OSBPL9: variants seen among roughly 807,000 people sequenced by gnomAD.
OSBPL9 encodes oxysterol-binding protein-related protein 9.
A neutral mutation model predicts 106.6 loss-of-function variants in OSBPL9; 40 were observed. That is an observed-to-expected ratio of 0.38 (90% confidence interval 0.29 to 0.49). The LOEUF (loss-of-function observed/expected upper bound fraction) is 0.49, where lower values mean the gene tolerates loss of function less well. OSBPL9 is among the 20% of genes least tolerant of loss of function. OSBPL9 has a pLI of 0.97. For missense variants in OSBPL9, 609 were observed against 887.2 expected, an observed-to-expected ratio of 0.69 and a Z score of 3.98; for synonymous variants, 269 against 295.4, an observed-to-expected ratio of 0.91 and a Z score of 0.92.
At chr1:51,678,865 T>C (rs747425183) in intron 3 of OSBPL9, among the ~76,000 whole-genome samples, 36 of 152,292 alleles carry the variant, frequency 2.4e-4, no homozygotes, top group Non-Finnish European at 4.9e-4. Context: ...TAAACCATGG[T>C]TGCAGGCTTA....
At chr1:51,553,676 T>TA in the OSBPL9 span, among the ~76,000 whole-genome samples, 2 of 151,582 alleles carry the variant, frequency 1.3e-5, no homozygotes, top group Non-Finnish European at 1.5e-5. Context: ...ATCCCATCTC[T>TA]AAAAAAAAAT....
intron 1 of OSBPL9, among the ~76,000 whole-genome samples, chr1:51,641,750 T>G (rs997315979): frequency 6.6e-6 from 1 of 152,192 alleles, no homozygotes; most frequent in Non-Finnish European, 1.5e-5. Flanking sequence ...CAGTTGGAGG[T>G]TAGGATCTGT....
intron 1 of OSBPL9, among the ~76,000 whole-genome samples, chr1:51,643,962 C>T (rs866736934): frequency 2.6e-5 from 4 of 151,334 alleles, no homozygotes; most frequent in African/African-American, 9.7e-5. Context: ...TGCCTGTAGT[C>T]CCAGCTACTC....
the OSBPL9 span, among the ~76,000 whole-genome samples, chr1:51,571,351 T>C: frequency 6.6e-6 from 1 of 152,166 alleles, no homozygotes; most frequent in Non-Finnish European, 1.5e-5. Flanking sequence ...TGACATTATG[T>C]TAGGAGTTGT....
chr1:51,666,529 A>G (rs1016148147), intron 2 of OSBPL9, among the ~76,000 whole-genome samples: 1 of 152,238 alleles, frequency 6.6e-6, no homozygotes, highest in Non-Finnish European at 1.5e-5. Context: ...ATTAAACTGA[A>G]CAGTACAAAT....
rs113771870 is a variant in OSBPL9, at chr1:51,788,695, A to G, written c.*906A>G. On this transcript the variant is annotated 3_prime_UTR_variant, in exon 24 of 24. Coordinates refer to ENST00000428468, the MANE Select transcript of OSBPL9 (RefSeq NM_024586.6). ...GGGCTGCCTACCAACATTTTATCCA[A>G]AAATGTTTTATTGCCTTAGAGGGTT... Among the ~76,000 whole-genome samples, 4 of 152,162 alleles carry G rather than the reference A, an allele frequency of 2.6e-5. No homozygotes were observed. Among genetic ancestry groups the G allele is most frequent in the Non-Finnish European group, 5.9e-5 (4 of 68,028 alleles).
chr1:51,559,303 C>T, the OSBPL9 span, among the ~76,000 whole-genome samples: 2 of 149,206 alleles, frequency 1.3e-5, no homozygotes, highest in South Asian at 2.2e-4. Context: ...GTGGGGGTTG[C>T]GGGGGATGGT....
chr1:51,699,798 T>C (rs1431683520), intron 3 of OSBPL9, among the ~76,000 whole-genome samples: 1 of 152,188 alleles, frequency 6.6e-6, no homozygotes, highest in East Asian at 1.9e-4. Context: ...AAGAAACATA[T>C]GAATGTTATG....
chr1:51,603,025 G>A (rs4477330), intron 2 of OSBPL9, among the ~76,000 whole-genome samples: 36,694 of 151,872 alleles, frequency 0.24, 6,162 homozygotes, highest in African/African-American at 0.47. Flanking sequence ...GCATGATGGC[G>A]TGCACCTGTA....
chr1:51,697,091 T>A (rs961893599), intron 3 of OSBPL9, among the ~76,000 whole-genome samples: 8 of 151,674 alleles, frequency 5.3e-5, no homozygotes, highest in Non-Finnish European at 1.2e-4. Flanking sequence ...GCTGAGGAAT[T>A]TGAGGTTGTA....
At chr1:51,731,701 C>G (rs527302354) in intron 4 of OSBPL9, among the ~76,000 whole-genome samples, 8 of 150,798 alleles carry the variant, frequency 5.3e-5, no homozygotes, top group Non-Finnish European at 8.8e-5. Flanking sequence ...CGCATAAACC[C>G]TGGAGGGGGA....
intron 1 of OSBPL9, among the ~76,000 whole-genome samples, chr1:51,595,410 C>A (rs555194993): frequency 1.3e-5 from 2 of 152,232 alleles, no homozygotes; most frequent in East Asian, 3.9e-4. Flanking sequence ...TCCACTGGGC[C>A]TATGAAGAAA....
chr1:51,519,626 C>T, the OSBPL9 span, among the ~76,000 whole-genome samples: 8 of 152,172 alleles, frequency 5.3e-5, no homozygotes, highest in Admixed American at 4.6e-4. Context: ...GAAATTGTAA[C>T]TAGAGGCCCA....
At chr1:51,580,862 A>AT (rs1174421205) in intron 1 of OSBPL9, among the ~76,000 whole-genome samples, 1 of 125,564 alleles carries the variant, frequency 8.0e-6, no homozygotes, top group Non-Finnish European at 1.7e-5. Context: ...CATTGTTAAC[A>AT]TTTTGATATA....
At chr1:51,669,862 G>A (rs1347856699) in intron 3 of OSBPL9, 1 of 475,520 alleles carries the variant, frequency 2.1e-6, no homozygotes, top group South Asian at 1.5e-5. Flanking sequence ...TCTGCATGAA[G>A]AGTCTAAAGA....
intron 3 of OSBPL9, among the ~76,000 whole-genome samples, chr1:51,688,077 A>G (rs1654207115): frequency 6.6e-6 from 1 of 152,116 alleles, no homozygotes; most frequent in Non-Finnish European, 1.5e-5. Context: ...ACGCTTGACC[A>G]TGTTCTCTCT....
At chr1:51,581,217 C>T (rs1331137338) in intron 1 of OSBPL9, among the ~76,000 whole-genome samples, 3 of 151,618 alleles carry the variant, frequency 2.0e-5, no homozygotes, top group South Asian at 4.2e-4. Flanking sequence ...AGCCACTGCT[C>T]CTGGCCAGAA....
intron 9 of OSBPL9, among the ~76,000 whole-genome samples, chr1:51,757,983 G>A (rs928615833): frequency 3.9e-5 from 6 of 152,132 alleles, no homozygotes; most frequent in African/African-American, 1.4e-4. Context: ...TTAGGGCTGA[G>A]TAGTATTATT....
chr1:51,528,334 A>G, the OSBPL9 span, among the ~76,000 whole-genome samples: 7 of 152,218 alleles, frequency 4.6e-5, no homozygotes, highest in Non-Finnish European at 1.0e-4. Flanking sequence ...GCAAGATACA[A>G]CATTAATATA....
Sources: allele counts gnomAD v4.1 joint callset (sites outside exome capture counted in the v4.1 genomes callset), GRCh38; gene constraint gnomAD v4.1.1; transcripts MANE v1.5; gene names NCBI Gene and HGNC (gene_info 2026-07-23, HGNC 2026-07-21).